Variants in GAP43 observed in about 807,000 individuals in gnomAD.
The protein encoded by GAP43 is growth associated protein 43, also known as neuromodulin.
In GAP43, 6 loss-of-function variants were observed where a neutral mutation model predicts 18.6. The ratio of observed to expected loss-of-function variants is 0.32; its 90% CI spans 0.18 to 0.64. GAP43 has a LOEUF of 0.64. Ranked by LOEUF, GAP43 falls within the 30% of genes least tolerant of loss-of-function variation. The probability of loss-of-function intolerance (pLI) is 0.78; values close to 1 mark genes in which losing one functional copy is unlikely to be tolerated. For missense variants in GAP43, 292 were observed against 295.5 expected, an observed-to-expected ratio of 0.99 and a Z score of 0.09; for synonymous variants, 115 against 111.4, an observed-to-expected ratio of 1.03 and a Z score of -0.20.
At position 115,709,061 on chromosome 3, in the gene GAP43, A is replaced by T. The variant is rs530484557; in HGVS notation, c.629-11733A>T. On this transcript the variant is annotated intron_variant, in intron 2 of 2. Transcript: ENST00000305124. ...AAAATCTTAAATGCTAGTAGTTTAA[A>T]TTTAGTAAAATAGAAAAAGCAGCAC... Among the ~76,000 whole-genome samples, 5 of 151,126 alleles carry T rather than the reference A, an allele frequency of 3.3e-5. No homozygotes were observed. In the East Asian group the frequency reaches 9.8e-4, roughly 29 times the overall value.
At chr3:115,632,394 T>C (rs1481080339) in intron 1 of GAP43, among the ~76,000 whole-genome samples, 1 of 152,128 alleles carries the variant, frequency 6.6e-6, no homozygotes, top group Non-Finnish European at 1.5e-5. Flanking sequence ...ACAACAGGAA[T>C]AAACCTTGAT....
chr3:115,635,557 T>TG lies in GAP43; in HGVS notation c.30+11840dup, dbSNP rs930700634. ...AGTTATAAAATAAAATTACTCAGTTTGGAATTGGGCCATAACCTTCTAGTA... is the reference window on the plus strand; with the variant it reads ...AGTTATAAAATAAAATTACTCAGTTTGGGAATTGGGCCATAACCTTCTAGTA... On this transcript the variant is annotated intron_variant, in intron 1 of 2. Transcript: ENST00000305124. Among the ~76,000 whole-genome samples the TG allele has an allele frequency of 1.2e-4, 19 of 152,180 alleles. 1 individual carries two copies. The highest frequency in any genetic ancestry group is 1.0e-3 in the Admixed American group (16 of 15,280).
chr3:115,669,116 C>A (rs1453559030), intron 1 of GAP43, among the ~76,000 whole-genome samples: 2 of 151,222 alleles, frequency 1.3e-5, no homozygotes, highest in Non-Finnish European at 2.9e-5. Flanking sequence ...ATTGATATGA[C>A]TCTAACGAGT....
chr3:115,631,995 A>T (rs1708265876), intron 1 of GAP43, among the ~76,000 whole-genome samples: 1 of 152,194 alleles, frequency 6.6e-6, no homozygotes, highest in Admixed American at 6.5e-5. Context: ...TCAGTGACAG[A>T]ATTTAGATAA....
In GAP43 at chr3:115,698,069, TATATA is replaced by T. The variant is rs1709225879; in HGVS notation, c.628+21465_628+21469del. The stretch of plus-strand genomic sequence containing the variant: ...TATATATTATATAAAATATATATTA[TATATA>T]ATATATAAAATATGTATTATATATA... On this transcript the variant is annotated intron_variant, in intron 2 of 2. Coordinates refer to ENST00000305124, the MANE Select transcript of GAP43 (RefSeq NM_002045.4). 6.5e-5 allele frequency among the ~76,000 whole-genome samples: 4 copies of T among 61,700 alleles called. No homozygotes were observed. In the South Asian group the frequency reaches 1.8e-3, roughly 29 times the overall value. 40.5% of individuals were successfully genotyped at this position (61,700 alleles called of 152,430 possible).
intron 1 of GAP43, among the ~76,000 whole-genome samples, chr3:115,638,849 C>T (rs938469061): frequency 6.6e-6 from 1 of 151,994 alleles, no homozygotes; most frequent in Non-Finnish European, 1.5e-5. Flanking sequence ...CAGCCTAATA[C>T]AATTATTCTT....
chr3:115,638,795 G>T (rs186008252), intron 1 of GAP43, among the ~76,000 whole-genome samples: 1 of 152,038 alleles, frequency 6.6e-6, no homozygotes. Flanking sequence ...CAGGAAATAT[G>T]TGGCTGCAGT....
intron 1 of GAP43, among the ~76,000 whole-genome samples, chr3:115,654,408 C>G (rs1708556318): frequency 6.6e-6 from 1 of 152,188 alleles, no homozygotes; most frequent in Non-Finnish European, 1.5e-5. Flanking sequence ...CAGCTCATCC[C>G]AGGAAGATCT....
chr3:115,667,677 G>A lies in GAP43; in HGVS notation c.31-8336G>A, dbSNP rs1321746236. 2.0e-5 allele frequency among the ~76,000 whole-genome samples: 3 copies of A among 152,162 alleles called. No homozygotes were observed. The East Asian group carries it at 5.8e-4, about 29-fold the overall frequency. ...GCTTGGCATGTGCTTTGCTCTTGGGGCCTCTCAGCTGGGAAAGATTTGCCT... is the reference window on the plus strand; with the variant it reads ...GCTTGGCATGTGCTTTGCTCTTGGGACCTCTCAGCTGGGAAAGATTTGCCT... On this transcript the variant is annotated intron_variant, in intron 1 of 2. Transcript: ENST00000305124.
chr3:115,716,534 T>C (rs1709503841), intron 2 of GAP43, among the ~76,000 whole-genome samples: 1 of 151,538 alleles, frequency 6.6e-6, no homozygotes, highest in Admixed American at 6.6e-5. Context: ...TTTACATTGT[T>C]TCCTCCATCC....
intron 2 of GAP43, among the ~76,000 whole-genome samples, chr3:115,696,135 C>G (rs1709186204): frequency 6.6e-6 from 1 of 152,044 alleles, no homozygotes; most frequent in Non-Finnish European, 1.5e-5. Context: ...CCTCTCTCCC[C>G]ACTCCAGACA....
At chr3:115,668,318 G>A (rs1048199176) in intron 1 of GAP43, among the ~76,000 whole-genome samples, 3 of 152,106 alleles carry the variant, frequency 2.0e-5, no homozygotes, top group Admixed American at 2.0e-4. Flanking sequence ...TAAGGGACTA[G>A]TTATTCCCAG....
At position 115,706,244 on chromosome 3, in the gene GAP43, A is replaced by C. The variant is rs559890300; in HGVS notation, c.629-14550A>C. ...CCTGAAACTTAAGGAATCAATTATTAAAAAGAAGTCTTAGGGTCCTTTTCA... is the reference window on the plus strand; with the variant it reads ...CCTGAAACTTAAGGAATCAATTATTCAAAAGAAGTCTTAGGGTCCTTTTCA... On this transcript the variant is annotated intron_variant, in intron 2 of 2. Coordinates refer to ENST00000305124, the MANE Select transcript of GAP43 (RefSeq NM_002045.4). Among the ~76,000 whole-genome samples the C allele has an allele frequency of 6.6e-5, 10 of 152,328 alleles. No individual in the cohort carries two copies. The South Asian group carries it at 2.1e-3, about 32-fold the overall frequency.
intron 2 of GAP43, among the ~76,000 whole-genome samples, chr3:115,680,386 G>A (rs1468908877): frequency 6.6e-6 from 1 of 152,118 alleles, no homozygotes; most frequent in Non-Finnish European, 1.5e-5. Flanking sequence ...AGCCCGGGAG[G>A]TCAAGGCTGC....
intron 1 of GAP43, among the ~76,000 whole-genome samples, chr3:115,664,319 C>T (rs1046561646): frequency 2.6e-5 from 4 of 151,742 alleles, no homozygotes; most frequent in Non-Finnish European, 2.9e-5. Flanking sequence ...TGAAACATCC[C>T]TCTGTGGAGC....
At chr3:115,666,237 C>T (rs1344392526) in intron 1 of GAP43, among the ~76,000 whole-genome samples, 2 of 151,928 alleles carry the variant, frequency 1.3e-5, no homozygotes, top group African/African-American at 4.8e-5. Context: ...ACAGATCTTC[C>T]CCCTTCCCAA....
intron 1 of GAP43, among the ~76,000 whole-genome samples, chr3:115,675,758 C>CAAAAA (rs67744380): frequency 1.8e-4 from 9 of 50,554 alleles, no homozygotes; most frequent in Non-Finnish European, 2.6e-4. Flanking sequence ...GACTCTATCT[C>CAAAAA]AAAAAAAAAA....
At chr3:115,634,672 A>T (rs982983274) in intron 1 of GAP43, among the ~76,000 whole-genome samples, 3 of 152,054 alleles carry the variant, frequency 2.0e-5, no homozygotes, top group Non-Finnish European at 2.9e-5. Flanking sequence ...CTGAAGGCTG[A>T]TGAGGAAGGA....
intron 1 of GAP43, among the ~76,000 whole-genome samples, chr3:115,674,878 A>G (rs1708860420): frequency 6.6e-6 from 1 of 152,186 alleles, no homozygotes; most frequent in Non-Finnish European, 1.5e-5. Flanking sequence ...AACTTTGACT[A>G]TACTCTTTGT....
Sources: gnomAD v4.1 joint callset for allele counts (sites outside exome capture counted in the v4.1 genomes callset) on GRCh38, gnomAD v4.1.1 for gene constraint, MANE v1.5 for transcripts, NCBI Gene and HGNC (gene_info 2026-07-23, HGNC 2026-07-21) for gene names.